Variants in KTN1 observed in about 807,000 individuals in gnomAD.
The protein encoded by KTN1 is kinectin 1.
Under a neutral mutation model 222.5 loss-of-function variants are expected in KTN1, and 130 were observed. The ratio of observed to expected loss-of-function variants is 0.58; its 90% CI spans 0.51 to 0.68. KTN1 has a LOEUF of 0.68. KTN1 is among the 30% of genes least tolerant of loss of function. The pLI is 0.00. For missense variants in KTN1, 1,508 were observed against 1,500.4 expected, an observed-to-expected ratio of 1.01 and a Z score of -0.08; for synonymous variants, 512 against 496.3, an observed-to-expected ratio of 1.03 and a Z score of -0.42.
At chr14:55,596,646 A>G (rs1195045965) in intron 1 of KTN1, among the ~76,000 whole-genome samples, 3 of 152,358 alleles carry the variant, frequency 2.0e-5, no homozygotes, top group East Asian at 1.9e-4. Flanking sequence ...TGTTAATTAC[A>G]TAATTGACAT....
intron 43 of KTN1, 61 bp downstream of exon 43, chr14:55,679,746 G>A (rs1011346019): frequency 2.7e-6 from 4 of 1,500,618 alleles, no homozygotes; most frequent in African/African-American, 1.4e-5. Context: ...TGTGTAATGT[G>A]TATTTACATA....
intron 29 of KTN1, among the ~76,000 whole-genome samples, chr14:55,656,539 G>A (rs1401074848): frequency 6.6e-6 from 1 of 151,844 alleles, no homozygotes; most frequent in East Asian, 1.9e-4. Context: ...ATCTCGGCTC[G>A]CTGCAACCTC....
At chr14:55,582,633 G>A (rs1013965192) in intron 1 of KTN1, among the ~76,000 whole-genome samples, 1 of 152,088 alleles carries the variant, frequency 6.6e-6, no homozygotes, top group African/African-American at 2.4e-5. Flanking sequence ...TGGAACATGT[G>A]TTTTTAATTG....
At chr14:55,597,161 C>T (rs558491544) in intron 1 of KTN1, among the ~76,000 whole-genome samples, 2 of 152,214 alleles carry the variant, frequency 1.3e-5, no homozygotes, top group East Asian at 1.9e-4. Context: ...GCGTTGGACT[C>T]TGTGTTGGGC....
intron 1 of KTN1, among the ~76,000 whole-genome samples, chr14:55,601,558 G>T (rs1194087498): frequency 1.3e-5 from 2 of 152,018 alleles, no homozygotes; most frequent in Non-Finnish European, 2.9e-5. Context: ...TTTGATGGCC[G>T]TTTCAGGAAA....
At chr14:55,625,346 TAA>T (rs2140850478) in intron 5 of KTN1, among the ~76,000 whole-genome samples, 1 of 152,356 alleles carries the variant, frequency 6.6e-6, no homozygotes, top group South Asian at 2.1e-4. Context: ...CATTGACCTT[TAA>T]ATATACTTGC....
intron 32 of KTN1, among the ~76,000 whole-genome samples, chr14:55,662,444 T>C (rs1309479836): frequency 6.6e-6 from 1 of 152,178 alleles, no homozygotes; most frequent in African/African-American, 2.4e-5. Context: ...AGAACCTGAC[T>C]ACATTTATAC....
chr14:55,611,537 G>T (rs2037575703), intron 1 of KTN1, among the ~76,000 whole-genome samples: 1 of 152,084 alleles, frequency 6.6e-6, no homozygotes, highest in Admixed American at 6.6e-5. Flanking sequence ...GTTGGTGACT[G>T]GTCTTAATCT....
intron 11 of KTN1, 59 bp from the exon 12 acceptor site, chr14:55,637,720 A>G: frequency 2.5e-6 from 3 of 1,208,828 alleles, no homozygotes; most frequent in Non-Finnish European, 3.6e-6. Flanking sequence ...CATTGTGTTC[A>G]TATACATGGG....
intron 5 of KTN1, among the ~76,000 whole-genome samples, chr14:55,622,967 T>C (rs1566733980): frequency 6.6e-6 from 1 of 152,244 alleles, no homozygotes. Context: ...CTCTGGTTCT[T>C]CTGTCATACC....
chr14:55,664,955 A>G (rs1432657057), intron 33 of KTN1, among the ~76,000 whole-genome samples: 1 of 151,864 alleles, frequency 6.6e-6, no homozygotes, highest in Non-Finnish European at 1.5e-5. Flanking sequence ...TCTTAGTGAC[A>G]CCTGAAGGAA....
In KTN1 at chr14:55,590,758, C is replaced by T. The variant is rs564950173; in HGVS notation, c.-31+10404C>T. Among the ~76,000 whole-genome samples the T allele has an allele frequency of 7.9e-5, 12 of 152,070 alleles. No individual in the cohort carries two copies. In the East Asian group the frequency reaches 1.5e-3, roughly 20 times the overall value. On this transcript the variant is annotated intron_variant, in intron 1 of 43. Transcript: ENST00000395314. ...TGGCGCGATCTTGGCTGACTGCAAC[C>T]GCTGCCTCCTAGGTTCAAGCGATTT...
At chr14:55,617,816 G>C (rs190321326) in intron 3 of KTN1, 148 bp from the exon 4 acceptor site, 1 of 582,622 alleles carries the variant, frequency 1.7e-6, no homozygotes, top group Non-Finnish European at 3.0e-6. Context: ...GTTTTGACTT[G>C]TTAAATGACG....
chr14:55,638,701 CT>C (rs1302022445), intron 12 of KTN1, among the ~76,000 whole-genome samples: 1 of 151,746 alleles, frequency 6.6e-6, no homozygotes. Flanking sequence ...GAATTGTGAT[CT>C]TTAGTTATCA....
intron 20 of KTN1, among the ~76,000 whole-genome samples, 154 bp downstream of exon 20, chr14:55,648,269 T>A (rs1258454228): frequency 2.0e-5 from 3 of 152,196 alleles, no homozygotes; most frequent in Non-Finnish European, 4.4e-5. Flanking sequence ...TTAAAGTTTT[T>A]TTAGAAGTTA....
intron 1 of KTN1, among the ~76,000 whole-genome samples, chr14:55,598,082 C>T (rs1049487146): frequency 6.6e-6 from 1 of 152,060 alleles, no homozygotes; most frequent in Non-Finnish European, 1.5e-5. Flanking sequence ...TTGTGCATTC[C>T]TGAAAAGTTT....
intron 7 of KTN1, among the ~76,000 whole-genome samples, chr14:55,632,836 T>C (rs1594970420): frequency 6.6e-6 from 1 of 152,240 alleles, no homozygotes; most frequent in South Asian, 2.1e-4. Flanking sequence ...TTTCAGTTTT[T>C]AAACTTTGGC....
chr14:55,599,546 A>G (rs1594765573), intron 1 of KTN1, among the ~76,000 whole-genome samples: 2 of 151,484 alleles, frequency 1.3e-5, no homozygotes, highest in African/African-American at 4.9e-5. Context: ...CTCACTGCCA[A>G]CCTCTGCCGC....
chr14:55,612,861 T>A (rs1420478692), intron 2 of KTN1, among the ~76,000 whole-genome samples: 2 of 151,074 alleles, frequency 1.3e-5, no homozygotes, highest in African/African-American at 4.9e-5. Flanking sequence ...GAGACCAGCC[T>A]GGGCAACAAA....
Sources: gnomAD v4.1 joint callset for allele counts (sites outside exome capture counted in the v4.1 genomes callset) on GRCh38, gnomAD v4.1.1 for gene constraint, MANE v1.5 for transcripts, NCBI Gene and HGNC (gene_info 2026-07-23, HGNC 2026-07-21) for gene names.